The following ADAMTS18 variants were observed in gnomAD, a reference collection of about 807,000 sequenced individuals.
The protein encoded by ADAMTS18 is ADAM metallopeptidase with thrombospondin type 1 motif 18.
In ADAMTS18, 157 loss-of-function variants were observed where a neutral mutation model predicts 165.9. That is an observed-to-expected ratio of 0.95 (90% CI 0.83 to 1.08). ADAMTS18 has a LOEUF of 1.08. ADAMTS18 is among the 50% of genes least tolerant of loss of function. The pLI, the probability that ADAMTS18 is intolerant of heterozygous loss-of-function variation, is 0.00. For synonymous variants in ADAMTS18, 782 were observed against 578.2 expected (o/e 1.35, Z -5.06); for missense variants, 2,040 against 1,534.0 (o/e 1.33, Z -5.51).
Position 77,282,440 on chromosome 16 carries a change from A to G in ADAMTS18, c.*1516T>C, listed in dbSNP as rs1446284811. 1.3e-5 allele frequency: 2 copies of G among 152,254 alleles called. No homozygotes were observed. Among genetic ancestry groups the G allele is most frequent in the Non-Finnish European group, 2.9e-5 (2 of 68,036 alleles). 9.4% of individuals were successfully genotyped at this position (152,254 alleles called of 1,614,324 possible). A position where few individuals can be genotyped will look rare whatever the true frequency, so the allele number is the denominator to read the frequency against. On this transcript the variant is annotated 3_prime_UTR_variant, in exon 23 of 23. Coordinates refer to ENST00000282849, the MANE Select transcript of ADAMTS18 (RefSeq NM_199355.4). ...TCTCTAGGCCAAGCCAAGCAGATTGAGAGAAGTTCCTAAGCATTATTTCTC... is the reference window on the plus strand; with the variant it reads ...TCTCTAGGCCAAGCCAAGCAGATTGGGAGAAGTTCCTAAGCATTATTTCTC...
intron 3 of ADAMTS18, among the ~76,000 whole-genome samples, chr16:77,394,188 C>A (rs181164164): frequency 3.5e-4 from 54 of 152,294 alleles, no homozygotes; most frequent in Non-Finnish European, 7.6e-4. Flanking sequence ...ATAATGATCC[C>A]ATTTCCAAAG....
chr16:77,386,133 A>C (rs2057104110), intron 3 of ADAMTS18, among the ~76,000 whole-genome samples: 1 of 152,144 alleles, frequency 6.6e-6, no homozygotes, highest in African/African-American at 2.4e-5. Flanking sequence ...CGTGATACAA[A>C]GTACAATTTC....
At chr16:77,353,964 C>A in intron 9 of ADAMTS18, 78 bp from the exon 10 acceptor site, 1 of 1,550,280 alleles carries the variant, frequency 6.5e-7, no homozygotes, top group Non-Finnish European at 8.9e-7. Flanking sequence ...CTTCTGAATG[C>A]ATTCATGCAA....
intron 12 of ADAMTS18, among the ~76,000 whole-genome samples, chr16:77,334,197 T>TGC (rs1205968259): frequency 1.2e-5 from 1 of 80,886 alleles, no homozygotes; most frequent in Admixed American, 1.9e-4. Context: ...GTGTTATATA[T>TGC]TACATATAAT....
intron 3 of ADAMTS18, among the ~76,000 whole-genome samples, chr16:77,423,580 C>T (rs1478222510): frequency 6.6e-6 from 1 of 152,044 alleles, no homozygotes; most frequent in Non-Finnish European, 1.5e-5. Flanking sequence ...AAAGCATAGC[C>T]AGGATAAAGA....
intron 16 of ADAMTS18, among the ~76,000 whole-genome samples, chr16:77,304,316 G>C (rs1318054311): frequency 2.6e-5 from 4 of 152,114 alleles, no homozygotes; most frequent in Non-Finnish European, 5.9e-5. Context: ...TAAAAAACTA[G>C]CTAGGTGTTG....
intron 3 of ADAMTS18, among the ~76,000 whole-genome samples, chr16:77,379,694 T>C (rs981798740): frequency 6.6e-6 from 1 of 152,146 alleles, no homozygotes; most frequent in Non-Finnish European, 1.5e-5. Flanking sequence ...TTTTAGCATG[T>C]TGGCCAGGGT....
chr16:77,418,495 A>G (rs766254127), intron 3 of ADAMTS18, among the ~76,000 whole-genome samples: 1 of 152,168 alleles, frequency 6.6e-6, no homozygotes, highest in Non-Finnish European at 1.5e-5. Context: ...ACCTCCTACA[A>G]TGCACAGACA....
intron 16 of ADAMTS18, among the ~76,000 whole-genome samples, chr16:77,316,649 ATTAAG>A (rs1381626061): frequency 1.3e-5 from 2 of 152,136 alleles, no homozygotes; most frequent in Admixed American, 1.3e-4. Flanking sequence ...CTTATAAAAT[ATTAAG>A]TTGATTCTCC....
At chr16:77,375,890 C>CTTTTTCTTTTTTTTT (rs2056943562) in intron 3 of ADAMTS18, among the ~76,000 whole-genome samples, 2 of 93,904 alleles carry the variant, frequency 2.1e-5, no homozygotes, top group Non-Finnish European at 4.1e-5. Context: ...TCTTTCTTTC[C>CTTTTTCTTTTTTTTT]TTTTTTTTTT....
At chr16:77,297,834 T>G (rs1383998657) in intron 17 of ADAMTS18, among the ~76,000 whole-genome samples, 2 of 151,720 alleles carry the variant, frequency 1.3e-5, no homozygotes, top group Non-Finnish European at 2.9e-5. Flanking sequence ...CTCATACTTC[T>G]TAAGAGCATG....
chr16:77,331,675 G>A (rs1168094573), intron 12 of ADAMTS18, among the ~76,000 whole-genome samples: 1 of 152,108 alleles, frequency 6.6e-6, no homozygotes, highest in South Asian at 2.1e-4. Flanking sequence ...TGGGTGGTGG[G>A]AAGAAGAGTG....
At chr16:77,327,791 C>T (rs2056121256) in intron 12 of ADAMTS18, among the ~76,000 whole-genome samples, 2 of 152,174 alleles carry the variant, frequency 1.3e-5, no homozygotes, top group Non-Finnish European at 2.9e-5. Flanking sequence ...GCTACCTCTC[C>T]AGCTTTCTCC....
rs765104436 is a variant in ADAMTS18 at position 77,367,586 on chromosome 16, G to A, written c.633C>T (p.Ile211=). 2.5e-6 allele frequency: 4 copies of A among 1,614,078 alleles called. No homozygotes were observed. The highest frequency in any genetic ancestry group is 3.4e-6 in the Non-Finnish European group (4 of 1,180,034). Residue 211 remains isoleucine (I), a synonymous_variant, in exon 4 of 23, where the codon ATC becomes ATT. Coordinates refer to ENST00000282849, the MANE Select transcript of ADAMTS18 (RefSeq NM_199355.4). ...VLYKRTAEEK[I]QRYRGYPGSG... ...AGCCGGGGTAGCCACGGTACCGCTGGATCTTCTCCTCTGCTGTCCTTTTGT... is the reference window on the plus strand; with the variant it reads ...AGCCGGGGTAGCCACGGTACCGCTGAATCTTCTCCTCTGCTGTCCTTTTGT...
chr16:77,334,921 A>ATAG (rs1285451617), intron 12 of ADAMTS18, among the ~76,000 whole-genome samples: 10 of 138,940 alleles, frequency 7.2e-5, no homozygotes, highest in African/African-American at 2.6e-4. Flanking sequence ...ATTATAGTAT[A>ATAG]TAGTATATAT....
At chr16:77,402,083 A>G (rs2057338865) in intron 3 of ADAMTS18, among the ~76,000 whole-genome samples, 1 of 152,198 alleles carries the variant, frequency 6.6e-6, no homozygotes, top group African/African-American at 2.4e-5. Context: ...GCCAATCCCT[A>G]TAATAAGTTC....
chr16:77,330,493 G>C (rs920307205), intron 12 of ADAMTS18, among the ~76,000 whole-genome samples: 3 of 152,108 alleles, frequency 2.0e-5, no homozygotes, highest in African/African-American at 7.2e-5. Context: ...TCCTCCCCTG[G>C]TTACTCATCT....
intron 3 of ADAMTS18, among the ~76,000 whole-genome samples, chr16:77,421,066 T>A (rs550546457): frequency 2.2e-4 from 34 of 152,348 alleles, no homozygotes; most frequent in African/African-American, 7.7e-4. Context: ...TTGTAGTAAA[T>A]TAGTGATGTG....
chr16:77,416,659 T>C (rs2057534057), intron 3 of ADAMTS18, among the ~76,000 whole-genome samples: 1 of 152,168 alleles, frequency 6.6e-6, no homozygotes, highest in African/African-American at 2.4e-5. Context: ...CTTTCCTTTA[T>C]AAATTACCCA....
Sources: allele counts gnomAD v4.1 joint callset (sites outside exome capture counted in the v4.1 genomes callset), GRCh38; gene constraint gnomAD v4.1.1; transcripts MANE v1.5; gene names NCBI Gene and HGNC (gene_info 2026-07-23, HGNC 2026-07-21).